CAMK2A: variants seen among roughly 807,000 people sequenced by gnomAD.
CAMK2A encodes the protein calcium/calmodulin dependent protein kinase II alpha, also known as calcium/calmodulin-dependent protein kinase type II subunit alpha.
CAMK2A carries 7 observed loss-of-function variants against 79.2 expected under a neutral mutation model. That is an observed-to-expected ratio of 0.09 (90% CI 0.05 to 0.17). The LOEUF is 0.17. CAMK2A is among the 10% of genes least tolerant of loss of function. The probability of loss-of-function intolerance (pLI) is 1.00; values close to 1 mark genes in which losing one functional copy is unlikely to be tolerated. For missense variants in CAMK2A, 214 were observed against 646.4 expected, an observed-to-expected ratio of 0.33 and a Z score of 7.25; for synonymous variants, 242 against 251.7, an observed-to-expected ratio of 0.96 and a Z score of 0.36.
chr5:150,257,551 G>T lies in CAMK2A; in HGVS notation c.272+12C>A, dbSNP rs374563072. 1.1e-5 allele frequency: 17 copies of T among 1,562,820 alleles called. No individual in the cohort carries two copies. The African/African-American group carries it at 2.2e-4, about 20-fold the overall frequency. On this transcript the variant is annotated intron_variant, in intron 4 of 18. Coordinates refer to ENST00000671881, the MANE Select transcript of CAMK2A (RefSeq NM_015981.4). ...ACACCGTTGGCGCATCCCAGGGCGG[G>T]GCCAAACTCACAGGTCGAAGATCAG...
intron 17 of CAMK2A, among the ~76,000 whole-genome samples, chr5:150,227,727 C>G (rs1754665436): frequency 6.6e-6 from 1 of 152,174 alleles, no homozygotes; most frequent in Admixed American, 6.5e-5. Flanking sequence ...TCTCTGTCCT[C>G]CTCTTTCCCA....
At chr5:150,248,130 G>T (rs559380578) in intron 11 of CAMK2A, among the ~76,000 whole-genome samples, 1 of 152,094 alleles carries the variant, frequency 6.6e-6, no homozygotes, top group African/African-American at 2.4e-5. Context: ...TACCAGCAGA[G>T]GCTCCTGAAG....
intron 14 of CAMK2A, among the ~76,000 whole-genome samples, chr5:150,239,173 C>T (rs147325874): frequency 5.3e-5 from 8 of 152,178 alleles, no homozygotes; most frequent in Non-Finnish European, 7.4e-5. Context: ...AAAAACCACA[C>T]GACTGAGTGA....
At chr5:150,229,484 T>C (rs1754749232) in intron 16 of CAMK2A, among the ~76,000 whole-genome samples, 2 of 152,086 alleles carry the variant, frequency 1.3e-5, no homozygotes, top group African/African-American at 4.8e-5. Context: ...CCATTGTACA[T>C]ATGGGGAAAC....
chr5:150,263,009 G>C (rs1405686221), intron 3 of CAMK2A, among the ~76,000 whole-genome samples: 1 of 152,208 alleles, frequency 6.6e-6, no homozygotes, highest in Non-Finnish European at 1.5e-5. Flanking sequence ...AGGCAAGGTT[G>C]TTCTGATGGA....
chr5:150,265,282 C>A, intron 2 of CAMK2A: 1 of 452,114 alleles, frequency 2.2e-6, no homozygotes. Flanking sequence ...GAGGCTTCTC[C>A]GAGACTCCTC....
At chr5:150,285,662 G>A (rs1461529257) in intron 1 of CAMK2A, among the ~76,000 whole-genome samples, 1 of 152,154 alleles carries the variant, frequency 6.6e-6, no homozygotes, top group African/African-American at 2.4e-5. Context: ...GCCAACTGCA[G>A]CCTTGGCAAC....
chr5:150,239,688 G>C lies in CAMK2A; in HGVS notation c.1017+16C>G, dbSNP rs1398093596. 6.2e-7 allele frequency: 1 copy of C among 1,613,308 alleles called. No individual in the cohort carries two copies. Among genetic ancestry groups the C allele is most frequent in the Admixed American group, 1.7e-5 (1 of 60,024 alleles). ...GGCCCAGCATTTACCGGCGTTAGGA[G>C]ACGGCAGACACTCACCATTAACTGA... On this transcript the variant is annotated intron_variant, in intron 14 of 18. Coordinates refer to ENST00000671881, the MANE Select transcript of CAMK2A (RefSeq NM_015981.4).
chr5:150,287,289 AT>A (rs1207893763), intron 1 of CAMK2A, among the ~76,000 whole-genome samples: 1 of 152,182 alleles, frequency 6.6e-6, no homozygotes, highest in Non-Finnish European at 1.5e-5. Flanking sequence ...TGCATGCAAC[AT>A]TTCGTAGGTT....
In CAMK2A at chr5:150,245,335, G is replaced by T. The variant is rs555210121; in HGVS notation, c.944-134C>A. The T allele has an allele frequency of 5.1e-3, 3,586 of 709,246 alleles. 15 individuals are homozygous for T. Among genetic ancestry groups the T allele is most frequent in the Non-Finnish European group, 6.7e-3 (2,788 of 414,560 alleles). 43.9% of individuals were successfully genotyped at this position (709,246 alleles called of 1,614,324 possible). ...CAGAGCTGGCCCAGCGATCCTGGGG[G>T]AGGCCTCCTCCTCCTCCTCCTCCTC... On this transcript the variant is annotated intron_variant, in intron 12 of 18. Transcript: ENST00000671881.
intron 2 of CAMK2A, among the ~76,000 whole-genome samples, chr5:150,266,057 G>A (rs184219385): frequency 1.3e-5 from 2 of 152,260 alleles, no homozygotes; most frequent in Non-Finnish European, 1.5e-5. Context: ...ATTCCCAGAA[G>A]CCACCTCCCT....
At chr5:150,268,797 T>C (rs1318982276) in intron 2 of CAMK2A, among the ~76,000 whole-genome samples, 3 of 152,206 alleles carry the variant, frequency 2.0e-5, no homozygotes, top group Admixed American at 2.0e-4. Flanking sequence ...CTCACTCTCA[T>C]TGTCCAGGTT....
intron 7 of CAMK2A, among the ~76,000 whole-genome samples, chr5:150,252,277 G>A (rs1375102084): frequency 6.6e-6 from 1 of 152,126 alleles, no homozygotes; most frequent in African/African-American, 2.4e-5. Context: ...AGATCAGATC[G>A]ACAACTACCT....
chr5:150,248,531 T>C (rs867537813), intron 11 of CAMK2A, among the ~76,000 whole-genome samples: 1 of 126,182 alleles, frequency 7.9e-6, no homozygotes, highest in Middle Eastern at 4.8e-3. Context: ...TTCCCCTTCC[T>C]GTGTCCAAGT....
At chr5:150,263,405 T>A (rs998787827) in intron 3 of CAMK2A, among the ~76,000 whole-genome samples, 1 of 146,562 alleles carries the variant, frequency 6.8e-6, no homozygotes, top group Non-Finnish European at 1.5e-5. Context: ...CACACACACT[T>A]ACACAGACTC....
chr5:150,227,745 C>T lies in CAMK2A; in HGVS notation c.1237+447G>A, dbSNP rs932693321. Among the ~76,000 whole-genome samples, 16 of 152,176 alleles carry T rather than the reference C, an allele frequency of 1.1e-4. 1 individual carries two copies. The highest frequency in any genetic ancestry group is 2.6e-4 in the Admixed American group (4 of 15,282). ...CTGTCCTCCTCTTTCCCAAACTGCC[C>T]ACCCACAGAGGGCACTTGCGTAACA... On this transcript the variant is annotated intron_variant, in intron 17 of 18. Transcript: ENST00000671881.
intron 1 of CAMK2A, among the ~76,000 whole-genome samples, chr5:150,283,934 G>A (rs1423090429): frequency 6.6e-6 from 1 of 152,164 alleles, no homozygotes; most frequent in Non-Finnish European, 1.5e-5. Context: ...AAGTCTCACT[G>A]GCCTTAGAGT....
At chr5:150,238,113 A>T (rs1755164563) in intron 15 of CAMK2A, among the ~76,000 whole-genome samples, 1 of 152,240 alleles carries the variant, frequency 6.6e-6, no homozygotes, top group Non-Finnish European at 1.5e-5. Flanking sequence ...TGACTTGAAC[A>T]TGTTAAATTT....
At chr5:150,258,833 G>A (rs1756176356) in intron 3 of CAMK2A, among the ~76,000 whole-genome samples, 1 of 152,236 alleles carries the variant, frequency 6.6e-6, no homozygotes, top group African/African-American at 2.4e-5. Flanking sequence ...GCTGATGCCA[G>A]TAGGGAGAGG....
Sources: gnomAD v4.1 joint callset for allele counts (sites outside exome capture counted in the v4.1 genomes callset) on GRCh38, gnomAD v4.1.1 for gene constraint, MANE v1.5 for transcripts, NCBI Gene and HGNC (gene_info 2026-07-23, HGNC 2026-07-21) for gene names.